Variants in CAMTA1 observed in about 807,000 individuals in gnomAD.
The protein encoded by CAMTA1 is calmodulin binding transcription activator 1, also known as calmodulin-binding transcription activator 1.
In CAMTA1, 27 loss-of-function variants were observed where a neutral mutation model predicts 170.9. That is an observed-to-expected ratio of 0.16 (90% confidence interval 0.12 to 0.22). The LOEUF (loss-of-function observed/expected upper bound fraction) is 0.22. Among genes scored for constraint, CAMTA1 ranks in the 10% least tolerant of loss-of-function variants. The probability of loss-of-function intolerance (pLI) is 1.00; values close to 1 mark genes in which losing one functional copy is unlikely to be tolerated. For synonymous variants in CAMTA1, 833 were observed against 891.5 expected (o/e 0.93, Z 1.17); for missense variants, 1,619 against 2,217.2 (o/e 0.73, Z 5.42).
chr1:7,678,565 G>A (rs1234326587), intron 11 of CAMTA1, among the ~76,000 whole-genome samples: 1 of 152,204 alleles, frequency 6.6e-6, no homozygotes, highest in Non-Finnish European at 1.5e-5. Context: ...CAGAGCCAGA[G>A]GCTGCCATTT....
In CAMTA1 at chr1:7,463,072, T is replaced by C. The variant is rs886125250; in HGVS notation, c.439-4758T>C. On this transcript the variant is annotated intron_variant, in intron 5 of 22. Coordinates refer to ENST00000303635, the MANE Select transcript of CAMTA1 (RefSeq NM_015215.4). This position sits in a 1 kb window ranked among gnomAD's most constrained non-coding sequence, Gnocchi z 4.7. Reference sequence around the variant, plus strand: ...ATGGCACTGTGTGCGGCAGAGCCTATAGGTGGGCACATAAGGCCTCCTGGG... The same window carrying C: ...ATGGCACTGTGTGCGGCAGAGCCTACAGGTGGGCACATAAGGCCTCCTGGG... 1.3e-5 allele frequency among the ~76,000 whole-genome samples: 2 copies of C among 152,150 alleles called. No homozygotes were observed. Among genetic ancestry groups the C allele is most frequent in the Admixed American group, 6.5e-5 (1 of 15,278 alleles).
At chr1:6,863,195 A>G (rs1483546629) in intron 3 of CAMTA1, among the ~76,000 whole-genome samples, 1 of 152,120 alleles carries the variant, frequency 6.6e-6, no homozygotes, top group Non-Finnish European at 1.5e-5. Flanking sequence ...CTGCTTATTA[A>G]TTTGCTTAGC....
At chr1:7,546,257 G>A (rs1474857964) in intron 6 of CAMTA1, among the ~76,000 whole-genome samples, 1 of 152,098 alleles carries the variant, frequency 6.6e-6, no homozygotes, top group Non-Finnish European at 1.5e-5. Flanking sequence ...CGCCCGGCCT[G>A]GTTTTCTATT....
In CAMTA1 at chr1:7,254,980, C is replaced by T. The variant is rs997358579; in HGVS notation, c.438+5354C>T. On this transcript the variant is annotated intron_variant, in intron 5 of 22. Transcript: ENST00000303635. ...CAAACAAACCAGCAGGGAGGCGCTGCGTGTTTCACATACAATACGTATTTC... is the reference window on the plus strand; with the variant it reads ...CAAACAAACCAGCAGGGAGGCGCTGTGTGTTTCACATACAATACGTATTTC... 5.3e-5 allele frequency among the ~76,000 whole-genome samples: 8 copies of T among 152,212 alleles called. 1 individual carries two copies. Among genetic ancestry groups the T allele is most frequent in the South Asian group, 4.1e-4 (2 of 4,828 alleles).
chr1:6,845,682 T>G (rs1227789743), intron 3 of CAMTA1, among the ~76,000 whole-genome samples: 2 of 152,242 alleles, frequency 1.3e-5, no homozygotes, highest in Non-Finnish European at 2.9e-5. Flanking sequence ...AGTAATTGCT[T>G]CTTAGCAGGT....
intron 6 of CAMTA1, among the ~76,000 whole-genome samples, chr1:7,519,390 C>T (rs903702020): frequency 3.9e-5 from 6 of 151,972 alleles, no homozygotes; most frequent in African/African-American, 9.7e-5. Context: ...ACTGCTCAGG[C>T]TGTCTTGGCA....
chr1:7,636,355 C>A (rs2095712166), intron 6 of CAMTA1, among the ~76,000 whole-genome samples: 1 of 152,196 alleles, frequency 6.6e-6, no homozygotes, highest in African/African-American at 2.4e-5. Context: ...AAAGAGATCT[C>A]ATACCCAGAA....
intron 5 of CAMTA1, among the ~76,000 whole-genome samples, chr1:7,326,048 A>G (rs140123969): frequency 2.0e-5 from 3 of 151,972 alleles, no homozygotes; most frequent in Admixed American, 6.6e-5. Context: ...TAGTAGAGAC[A>G]GTGTTTCATC....
At chr1:7,753,497 G>T (rs961925871) in intron 21 of CAMTA1, among the ~76,000 whole-genome samples, 4 of 152,128 alleles carry the variant, frequency 2.6e-5, no homozygotes, top group Middle Eastern at 3.2e-3. Context: ...AAAAGTCCTA[G>T]TATTCATATT....
intron 5 of CAMTA1, among the ~76,000 whole-genome samples, chr1:7,294,735 C>T (rs1162338186): frequency 6.6e-6 from 1 of 152,222 alleles, no homozygotes; most frequent in Non-Finnish European, 1.5e-5. Context: ...ATTTGACAGT[C>T]ACTGTCAGAG....
In CAMTA1 at chr1:7,320,019, TC is replaced by T. The variant is rs944813776; in HGVS notation, c.438+70394del. On this transcript the variant is annotated intron_variant, in intron 5 of 22. Transcript: ENST00000303635. ...CTTATCTGCAGTACTCTGGGTATTT[TC>T]TACATATACAATCATGCCATCTGCA... is the stretch of plus-strand genomic sequence containing the variant. Among the ~76,000 whole-genome samples the T allele has an allele frequency of 2.2e-3, 338 of 152,354 alleles. 1 individual carries two copies. Among genetic ancestry groups the T allele is most frequent in the African/African-American group, 8.0e-3 (332 of 41,578 alleles).
chr1:6,919,127 C>CGTG (rs1681446615), intron 3 of CAMTA1, among the ~76,000 whole-genome samples: 1 of 152,180 alleles, frequency 6.6e-6, no homozygotes, highest in African/African-American at 2.4e-5. Context: ...TGTTTCTCTC[C>CGTG]GTGGTGAGCC....
At chr1:6,847,767 G>T (rs1658822322) in intron 3 of CAMTA1, among the ~76,000 whole-genome samples, 1 of 151,126 alleles carries the variant, frequency 6.6e-6, no homozygotes, top group Non-Finnish European at 1.5e-5. Flanking sequence ...ACAGTGGCGG[G>T]ATCTCTGCTC....
chr1:6,836,066 TCTACCTGCCTATCCAG>T lies in CAMTA1; in HGVS notation c.234+10868_234+10883del, dbSNP rs1652954811. 3.3e-5 allele frequency among the ~76,000 whole-genome samples: 5 copies of T among 152,178 alleles called. No individual in the cohort carries two copies. In the South Asian group the frequency reaches 8.3e-4, roughly 25 times the overall value. On this transcript the variant is annotated intron_variant, in intron 3 of 22. Coordinates refer to ENST00000303635, the MANE Select transcript of CAMTA1 (RefSeq NM_015215.4). ...GCCTGCCTACCTGCCTGTCTACCTG[TCTACCTGCCTATCCAG>T]CTACCTGCCTACCCACCTTCAAGTC...
chr1:7,128,874 T>C (rs558847504), intron 4 of CAMTA1, among the ~76,000 whole-genome samples: 1 of 131,622 alleles, frequency 7.6e-6, no homozygotes, highest in African/African-American at 2.9e-5. Context: ...AAGGTCTTGC[T>C]CTGTTGGCCA....
chr1:7,399,326 C>T (rs1182444212), intron 5 of CAMTA1, among the ~76,000 whole-genome samples: 1 of 152,186 alleles, frequency 6.6e-6, no homozygotes, highest in Non-Finnish European at 1.5e-5. Context: ...TTCCTTCCTG[C>T]CATGAGTGGA....
chr1:6,789,589 ATAGTTGTGT>A (rs1440397280), intron 1 of CAMTA1, among the ~76,000 whole-genome samples: 1 of 151,912 alleles, frequency 6.6e-6, no homozygotes, highest in African/African-American at 2.4e-5. Flanking sequence ...TGTTCCCCTC[ATAGTTGTGT>A]CAGTTGACTC....
intron 11 of CAMTA1, among the ~76,000 whole-genome samples, chr1:7,712,578 C>G (rs1577108982): frequency 6.6e-6 from 1 of 152,184 alleles, no homozygotes; most frequent in Non-Finnish European, 1.5e-5. Flanking sequence ...CCTCGCCTCC[C>G]CAAGTGCTAG....
intron 15 of CAMTA1, 100 bp from the exon 16 acceptor site, chr1:7,737,859 C>A: frequency 7.9e-7 from 1 of 1,271,078 alleles, no homozygotes; most frequent in Non-Finnish European, 1.1e-6. Context: ...TGAGTTCCGG[C>A]TTTGCACTTT....
Sources: gnomAD v4.1 joint callset for allele counts (sites outside exome capture counted in the v4.1 genomes callset) on GRCh38, gnomAD v4.1.1 for gene constraint, Gnocchi (gnomAD v3.1) non-coding constraint, MANE v1.5 for transcripts, NCBI Gene and HGNC (gene_info 2026-07-23, HGNC 2026-07-21) for gene names.